The following ZDHHC15 variants were observed in gnomAD, a reference collection of about 807,000 sequenced individuals.
The protein encoded by ZDHHC15 is zDHHC palmitoyltransferase 15, also known as palmitoyltransferase ZDHHC15.
A neutral mutation model predicts 31.7 loss-of-function variants in ZDHHC15; 19 were observed. The observed-to-expected ratio is 0.60, with a 90% confidence interval of 0.42 to 0.88. The LOEUF (loss-of-function observed/expected upper bound fraction) is 0.88, where lower values mean the gene tolerates loss of function less well. Ranked by LOEUF, ZDHHC15 falls within the 40% of genes least tolerant of loss-of-function variation. The probability of loss-of-function intolerance (pLI) is 0.00; values close to 1 mark genes in which losing one functional copy is unlikely to be tolerated. For missense variants in ZDHHC15, 209 were observed against 251.2 expected (o/e 0.83, Z 1.14); for synonymous variants, 103 against 90.0 (o/e 1.14, Z -0.82).
intron 3 of ZDHHC15, among the ~76,000 whole-genome samples, chrX:75,455,037 C>A (rs777916156): frequency 9.0e-6 from 1 of 111,316 alleles, no homozygotes; most frequent in Non-Finnish European, 1.9e-5. Flanking sequence ...CATATGGAAT[C>A]AAAAAAGAGC....
At chrX:75,510,681 G>A (rs6647749) in intron 1 of ZDHHC15, among the ~76,000 whole-genome samples, 3 of 83,185 alleles carry the variant, frequency 3.6e-5, no homozygotes, top group African/African-American at 8.7e-5. Flanking sequence ...ACCCACTAAC[G>A]TGTCATCTAG....
intron 4 of ZDHHC15, among the ~76,000 whole-genome samples, chrX:75,446,246 G>A (rs1427808689): frequency 8.9e-6 from 1 of 111,761 alleles, no homozygotes; most frequent in East Asian, 2.8e-4. Context: ...GAGTTAGAAA[G>A]CATTCTAACA....
chrX:75,398,017 G>A (rs1364883263), intron 10 of ZDHHC15, among the ~76,000 whole-genome samples: 4 of 112,066 alleles, frequency 3.6e-5, no homozygotes, highest in African/African-American at 6.5e-5. Context: ...AGTAGCTGCA[G>A]CTCCCACAAA....
intron 4 of ZDHHC15, among the ~76,000 whole-genome samples, chrX:75,433,387 C>T (rs1449026641): frequency 2.7e-5 from 3 of 110,487 alleles, no homozygotes; most frequent in Admixed American, 1.9e-4. Flanking sequence ...CCATCTAAGC[C>T]GTAAACACTG....
chrX:75,446,286 T>A (rs1253375522), intron 4 of ZDHHC15, among the ~76,000 whole-genome samples: 1 of 111,469 alleles, frequency 9.0e-6, no homozygotes, highest in Non-Finnish European at 1.9e-5. Context: ...TAAAACACGA[T>A]GAAAAGGTGG....
chrX:75,461,475 C>G (rs2084314728), intron 3 of ZDHHC15, among the ~76,000 whole-genome samples: 1 of 111,104 alleles, frequency 9.0e-6, no homozygotes, highest in Admixed American at 9.6e-5. Flanking sequence ...TTCCAAGACA[C>G]ATAATCATCA....
chrX:75,495,295 G>A (rs768783415), intron 2 of ZDHHC15, among the ~76,000 whole-genome samples: 44 of 111,734 alleles, frequency 3.9e-4, no homozygotes, highest in African/African-American at 1.1e-3. Flanking sequence ...GTGCTGGAGA[G>A]GATGTGGAGA....
intron 2 of ZDHHC15, among the ~76,000 whole-genome samples, chrX:75,488,812 G>A (rs1316278381): frequency 1.8e-5 from 2 of 112,281 alleles, no homozygotes; most frequent in African/African-American, 6.5e-5. Context: ...CCTCACCTAG[G>A]AAGCACAAGG....
rs138036808 is a variant in ZDHHC15 at position 75,394,790 on chromosome X, C to G, written c.968-15592G>C. 3.4e-3 allele frequency among the ~76,000 whole-genome samples: 380 copies of G among 111,638 alleles called. 1 individual carries two copies. The highest frequency in any genetic ancestry group is 0.012 in the African/African-American group (365 of 30,738). On this transcript the variant is annotated intron_variant, in intron 10 of 11. Coordinates refer to ENST00000373367, the MANE Select transcript of ZDHHC15 (RefSeq NM_144969.3). ...ATAACAGCTGGAGACTTCAATACCC[C>G]ACCTTCAACATTGAACAGATCACCC...
intron 3 of ZDHHC15, among the ~76,000 whole-genome samples, chrX:75,462,946 C>A (rs2084342880): frequency 9.0e-6 from 1 of 110,559 alleles, no homozygotes. Context: ...GAGACAGAGA[C>A]ATGAAAAAAC....
chrX:75,387,937 GA>G (rs1470833854), intron 10 of ZDHHC15, among the ~76,000 whole-genome samples: 1 of 111,643 alleles, frequency 9.0e-6, no homozygotes, highest in African/African-American at 3.3e-5. Context: ...TACAGCAAGA[GA>G]AAAGATGTGC....
chrX:75,410,769 A>C (rs2083476485), intron 10 of ZDHHC15, among the ~76,000 whole-genome samples: 1 of 112,525 alleles, frequency 8.9e-6, no homozygotes, highest in Non-Finnish European at 1.9e-5. Flanking sequence ...AGTGTATCAA[A>C]GAGATATTTG....
chrX:75,397,472 T>A (rs753683841), intron 10 of ZDHHC15, among the ~76,000 whole-genome samples: 4 of 111,584 alleles, frequency 3.6e-5, no homozygotes, highest in Non-Finnish European at 5.6e-5. Context: ...ACACATTGTA[T>A]ACCTGTATTA....
intron 1 of ZDHHC15, among the ~76,000 whole-genome samples, chrX:75,507,263 T>C (rs1455739765): frequency 2.7e-5 from 3 of 111,323 alleles, no homozygotes; most frequent in African/African-American, 9.8e-5. Context: ...CACTTGGAAA[T>C]GTTGTAGAGG....
At chrX:75,500,267 AAAT>A (rs756181632) in intron 2 of ZDHHC15, among the ~76,000 whole-genome samples, 62 of 108,922 alleles carry the variant, frequency 5.7e-4, no homozygotes, top group Non-Finnish European at 8.0e-4. Flanking sequence ...AAAACTATTG[AAAT>A]AATAATAATA....
chrX:75,520,730 C>T (rs1196714321), intron 1 of ZDHHC15, among the ~76,000 whole-genome samples: 1 of 110,610 alleles, frequency 9.0e-6, no homozygotes, highest in African/African-American at 3.3e-5. Flanking sequence ...CTTAATGCAT[C>T]CCAATACTGG....
chrX:75,507,547 G>T (rs1364937130), intron 1 of ZDHHC15, among the ~76,000 whole-genome samples: 1 of 111,623 alleles, frequency 9.0e-6, no homozygotes, highest in Non-Finnish European at 1.9e-5. Flanking sequence ...AATGTTACAA[G>T]AGTCACAACA....
intron 2 of ZDHHC15, among the ~76,000 whole-genome samples, chrX:75,481,221 T>C (rs940577085): frequency 1.3e-4 from 15 of 111,738 alleles, no homozygotes; most frequent in African/African-American, 4.9e-4. Flanking sequence ...TATGGGAGTG[T>C]GAAATCTTTG....
chrX:75,375,351 T>G (rs747223951), intron 11 of ZDHHC15, among the ~76,000 whole-genome samples: 3 of 112,548 alleles, frequency 2.7e-5, no homozygotes, highest in Admixed American at 1.9e-4. Flanking sequence ...ATTTTTCATT[T>G]TAATTTCTAT....
Sources: allele counts gnomAD v4.1 joint callset (sites outside exome capture counted in the v4.1 genomes callset), GRCh38; gene constraint gnomAD v4.1.1; transcripts MANE v1.5; gene names NCBI Gene and HGNC (gene_info 2026-07-23, HGNC 2026-07-21).